The following AK9 variants were observed in gnomAD, a reference collection of about 807,000 sequenced individuals.
The protein encoded by AK9 is adenylate kinase domain containing 1.
AK9 carries 191 observed loss-of-function variants against 239.6 expected under a neutral mutation model. The observed-to-expected ratio is 0.80, with a 90% CI of 0.71 to 0.90. The LOEUF (loss-of-function observed/expected upper bound fraction) is 0.90, where lower values mean the gene tolerates loss of function less well. AK9 is among the 40% of genes least tolerant of loss of function. The pLI, the probability that AK9 is intolerant of heterozygous loss-of-function variation, is 0.00. For synonymous variants in AK9, 689 were observed against 721.0 expected, an observed-to-expected ratio of 0.96 and a Z score of 0.71; for missense variants, 1,995 against 2,214.7, an observed-to-expected ratio of 0.90 and a Z score of 1.99.
intron 28 of AK9, among the ~76,000 whole-genome samples, chr6:109,532,567 C>T (rs1781416814): frequency 6.6e-6 from 1 of 152,188 alleles, no homozygotes; most frequent in Non-Finnish European, 1.5e-5. Flanking sequence ...ATCCATGTTA[C>T]AGGATGTATC....
intron 1 of AK9, among the ~76,000 whole-genome samples, chr6:109,678,044 G>A (rs1772020167): frequency 6.6e-6 from 1 of 152,090 alleles, no homozygotes; most frequent in Non-Finnish European, 1.5e-5. Context: ...CATATGACTA[G>A]CCATTGCACT....
At chr6:109,662,409 T>G in intron 6 of AK9, 142 bp downstream of exon 6, 109 of 638,328 alleles carry the variant, frequency 1.7e-4, no homozygotes, top group Non-Finnish European at 2.2e-4. Flanking sequence ...CACAGAACTA[T>G]GAGAAGTATG....
chr6:109,689,577 A>C (rs1391827181), intron 1 of AK9, among the ~76,000 whole-genome samples: 4 of 152,184 alleles, frequency 2.6e-5, no homozygotes, highest in Non-Finnish European at 5.9e-5. Context: ...GGGATAACTG[A>C]GACATGCCTC....
chr6:109,618,913 GT>G (rs1159407282), intron 13 of AK9, among the ~76,000 whole-genome samples, 178 bp downstream of exon 13: 1 of 151,990 alleles, frequency 6.6e-6, no homozygotes, highest in Non-Finnish European at 1.5e-5. Context: ...AGAATTGAAA[GT>G]TTTTTTCTCT....
At chr6:109,495,869 T>TC (rs757036006) in intron 38 of AK9, among the ~76,000 whole-genome samples, 86 of 151,936 alleles carry the variant, frequency 5.7e-4, no homozygotes, top group Non-Finnish European at 9.6e-4. Context: ...CCGCTCCCTC[T>TC]CTCCAGGCAT....
At chr6:109,552,035 C>T (rs1372552994) in intron 24 of AK9, among the ~76,000 whole-genome samples, 4 of 152,076 alleles carry the variant, frequency 2.6e-5, no homozygotes. Flanking sequence ...CATTCATGTC[C>T]CTGCAAAGGA....
intron 5 of AK9, 127 bp downstream of exon 5, chr6:109,671,792 A>G: frequency 1.4e-6 from 1 of 712,176 alleles, no homozygotes; most frequent in Non-Finnish European, 2.4e-6. Flanking sequence ...TGTTCAACTG[A>G]ATAGAGATAA....
At chr6:109,595,637 G>A (rs954961524) in intron 17 of AK9, among the ~76,000 whole-genome samples, 5 of 152,188 alleles carry the variant, frequency 3.3e-5, no homozygotes, top group Non-Finnish European at 7.3e-5. Context: ...TAAAGAAAAT[G>A]TGGCATATAT....
In AK9 at chr6:109,542,237, C is replaced by T. The variant is rs190497951; in HGVS notation, c.3226-66G>A. ...CTATGCTAATAATTGCATGTTCTCA[C>T]TCATATGTGAAAGTTAAAGAGGAGG... is the stretch of plus-strand genomic sequence containing the variant. On this transcript the variant is annotated intron_variant, in intron 26 of 40. Coordinates refer to ENST00000424296, the MANE Select transcript of AK9 (RefSeq NM_001145128.3). 5.4e-5 allele frequency: 77 copies of T among 1,432,758 alleles called. 2 individuals are homozygous for T. Among genetic ancestry groups the T allele is most frequent in the Non-Finnish European group, 2.8e-6 (3 of 1,066,860 alleles). The allele number at this position is 1,432,758 out of a possible 1,614,324, so 88.8% of individuals were successfully genotyped here.
chr6:109,574,681 C>CT (rs747052296), intron 20 of AK9, among the ~76,000 whole-genome samples: 8 of 151,868 alleles, frequency 5.3e-5, no homozygotes, highest in Non-Finnish European at 8.8e-5. Context: ...GAACTCCAGT[C>CT]TTTTTTTTAA....
intron 19 of AK9, among the ~76,000 whole-genome samples, chr6:109,583,258 C>T (rs1385848212): frequency 6.6e-6 from 1 of 152,062 alleles, no homozygotes; most frequent in Non-Finnish European, 1.5e-5. Flanking sequence ...CTGAACAGAA[C>T]AAGGAAGAAT....
At chr6:109,546,506 C>T (rs1280526889) in intron 25 of AK9, among the ~76,000 whole-genome samples, 1 of 152,214 alleles carries the variant, frequency 6.6e-6, no homozygotes, top group Non-Finnish European at 1.5e-5. Context: ...TAAAAATTTA[C>T]AGCCTTCTCC....
intron 35 of AK9, among the ~76,000 whole-genome samples, chr6:109,505,260 T>C (rs1165179223): frequency 2.0e-5 from 3 of 152,202 alleles, no homozygotes; most frequent in Admixed American, 1.3e-4. Flanking sequence ...GTCACATTGC[T>C]CCCATAAACC....
intron 7 of AK9, among the ~76,000 whole-genome samples, chr6:109,658,639 TG>T (rs767696856): frequency 1.3e-5 from 2 of 152,168 alleles, no homozygotes; most frequent in African/African-American, 2.4e-5. Context: ...TTATGTTGAT[TG>T]TAAGTTGAAA....
At chr6:109,579,380 C>T (rs1388233561) in intron 20 of AK9, 170 bp downstream of exon 20, 3 of 586,166 alleles carry the variant, frequency 5.1e-6, no homozygotes, top group African/African-American at 1.9e-5. Flanking sequence ...AACTGGAACA[C>T]TTTAAGAATA....
intron 19 of AK9, among the ~76,000 whole-genome samples, chr6:109,583,778 A>T (rs1789147100): frequency 6.6e-6 from 1 of 152,166 alleles, no homozygotes; most frequent in Non-Finnish European, 1.5e-5. Flanking sequence ...TTTTAAAAAA[A>T]GTTAAAGGTA....
chr6:109,528,526 T>C (rs192350441), intron 29 of AK9: 3 of 456,562 alleles, frequency 6.6e-6, no homozygotes, highest in South Asian at 3.1e-5. Flanking sequence ...CAATGGTTTT[T>C]TCTTATCTAC....
intron 17 of AK9, among the ~76,000 whole-genome samples, chr6:109,604,471 C>A (rs554782853): frequency 6.6e-6 from 1 of 152,124 alleles, no homozygotes; most frequent in African/African-American, 2.4e-5. Flanking sequence ...TTATCAACAC[C>A]ATTAAATAAT....
chr6:109,498,697 C>A (rs546377437), intron 36 of AK9, among the ~76,000 whole-genome samples: 28 of 152,374 alleles, frequency 1.8e-4, no homozygotes, highest in Non-Finnish European at 2.1e-4. Context: ...CTCTGATTCC[C>A]TTCAGCACCC....
Sources: gnomAD v4.1 joint callset for allele counts (sites outside exome capture counted in the v4.1 genomes callset) on GRCh38, gnomAD v4.1.1 for gene constraint, MANE v1.5 for transcripts, NCBI Gene and HGNC (gene_info 2026-07-23, HGNC 2026-07-21) for gene names.